Variants in LLGL2 observed in about 807,000 individuals in gnomAD.
LLGL2 encodes the protein LLGL scribble cell polarity complex component 2, also known as LLGL2, scribble cell polarity complex component.
In LLGL2, 81 loss-of-function variants were observed where a neutral mutation model predicts 123.2. The ratio of observed to expected loss-of-function variants is 0.66; its 90% CI spans 0.55 to 0.79. The LOEUF is 0.79. Ranked by LOEUF, LLGL2 falls within the 30% of genes least tolerant of loss-of-function variation. LLGL2 has a pLI of 0.00. For synonymous variants in LLGL2, 577 were observed against 594.1 expected (o/e 0.97, Z 0.42); for missense variants, 1,273 against 1,414.6 (o/e 0.90, Z 1.61).
intron 2 of LLGL2, among the ~76,000 whole-genome samples, chr17:75,555,570 A>G (rs559630100): frequency 9.9e-5 from 15 of 152,268 alleles, no homozygotes; most frequent in Admixed American, 9.8e-4. Context: ...GACCTGGAAG[A>G]GCCCAGAGCA....
At position 75,526,491 on chromosome 17, in the gene LLGL2, G is replaced by C. The variant is rs531989692; in HGVS notation, c.-31+666G>C. 8.3e-4 allele frequency among the ~76,000 whole-genome samples: 127 copies of C among 152,344 alleles called. 2 individuals are homozygous for C. In the South Asian group the frequency reaches 0.018, roughly 21 times the overall value. On this transcript the variant is annotated intron_variant, in intron 1 of 25. Transcript: ENST00000392550. The stretch of plus-strand genomic sequence containing the variant: ...GGAAAATTCTATCTTGCCAAAGAAA[G>C]TGTGTCTTAGTTTGTTCCGGCTGGA...
In LLGL2 at chr17:75,573,590, TGGTAAC is replaced by T. The variant is rs778398192; in HGVS notation, c.2839_2844del (p.Asn947_Gly948del). 6.2e-7 allele frequency: 1 copy of T among 1,612,016 alleles called. No individual in the cohort carries two copies. Among genetic ancestry groups the T allele is most frequent in the African/African-American group, 1.3e-5 (1 of 74,978 alleles). ...CAGCAGAAACCAAGAACCACCGCCCTGGTAACGGTGCGGGCCCCAAGAAGGCCCCGA... is the reference window on the plus strand; with the variant it reads ...CAGCAGAAACCAAGAACCACCGCCCTGGTGCGGGCCCCAAGAAGGCCCCGA... On this transcript the variant is annotated inframe_deletion, in exon 21 of 26. Transcript: ENST00000392550.
In LLGL2 at chr17:75,558,232, G is replaced by T. The variant is rs768661779; in HGVS notation, c.251G>T (p.Gly84Val). ...GTGACGCAGATCCACCTCCTGCCCG[G>T]CCAGGTGAGGGACCTGGGGTGGGAC... is the stretch of plus-strand genomic sequence containing the variant. ...NAVTQIHLLP[G>V]QCQLVTLLDD... is the part of the protein sequence containing the mutation. Residue 84 changes from glycine (G) to valine (V), a missense_variant, in exon 4 of 26, where the codon GGC becomes GTC. Transcript: ENST00000392550. The surrounding 1 kb of genome is among the most constrained non-coding windows in gnomAD (Gnocchi z 4.0). 37 of 1,611,744 alleles carry T rather than the reference G, an allele frequency of 2.3e-5. No individual in the cohort carries two copies. Among genetic ancestry groups the T allele is most frequent in the African/African-American group, 4.0e-5 (3 of 74,904 alleles).
rs1422907240 is a variant in LLGL2, at chr17:75,558,438, G to A, written c.256-74G>A. ...CCAGGGGGTCTTTTAAACAACTGGG[G>A]CTGCGTGGCCCCAGTGTGTAAAGGC... On this transcript the variant is annotated intron_variant, in intron 4 of 25. Coordinates refer to ENST00000392550, the MANE Select transcript of LLGL2 (RefSeq NM_001031803.2). This position sits in a 1 kb window ranked among gnomAD's most constrained non-coding sequence, Gnocchi z 4.0. 4.5e-6 allele frequency: 6 copies of A among 1,327,162 alleles called. No homozygotes were observed. Among genetic ancestry groups the A allele is most frequent in the African/African-American group, 2.9e-5 (2 of 68,488 alleles). The allele number at this position is 1,327,162 out of a possible 1,614,324, so 82.2% of individuals were successfully genotyped here.
At chr17:75,573,347 T>C (rs970368213) in intron 20 of LLGL2, 69 bp downstream of exon 20, 2 of 1,552,472 alleles carry the variant, frequency 1.3e-6, no homozygotes, top group Non-Finnish European at 1.8e-6. Flanking sequence ...TGGCCAGGGG[T>C]GTTGTGGCCA....
intron 6 of LLGL2, among the ~76,000 whole-genome samples, chr17:75,561,483 T>C (rs1032997130): frequency 2.6e-5 from 4 of 151,802 alleles, no homozygotes; most frequent in African/African-American, 7.3e-5. Context: ...AAAAATTAGT[T>C]GGGCAAGGCG....
rs973570634 is a variant in LLGL2 at position 75,573,781 on chromosome 17, G to T, written c.2876+150G>T. On this transcript the variant is annotated intron_variant, in intron 21 of 25. Coordinates refer to ENST00000392550, the MANE Select transcript of LLGL2 (RefSeq NM_001031803.2). ...GCTCCGGCTCTCCTTGCCTCTTTGCGTGCCCCTTGCCCCTGTGCAAGCTGG... is the reference window on the plus strand; with the variant it reads ...GCTCCGGCTCTCCTTGCCTCTTTGCTTGCCCCTTGCCCCTGTGCAAGCTGG... 8 of 1,209,458 alleles carry T rather than the reference G, an allele frequency of 6.6e-6. No homozygotes were observed. The South Asian group carries it at 1.1e-4, about 17-fold the overall frequency. 74.9% of individuals were successfully genotyped at this position (1,209,458 alleles called of 1,614,324 possible).
intron 14 of LLGL2, 29 bp from the exon 15 acceptor site, chr17:75,569,934 C>T (rs1568071834): frequency 6.4e-7 from 1 of 1,554,300 alleles, no homozygotes; most frequent in African/African-American, 1.4e-5. Context: ...TTGCTGAGGG[C>T]TTGCTGAGCC....
chr17:75,558,511 G>C lies in LLGL2; in HGVS notation c.256-1G>C. ...ATGATCCCGTCGTGTGCCCTCGCCA[G>C]TGCCAGCTGGTCACCCTGCTGGATG... On this transcript the variant is annotated splice_acceptor_variant, in intron 4 of 25. Coordinates refer to ENST00000392550, the MANE Select transcript of LLGL2 (RefSeq NM_001031803.2). LOFTEE classifies it high-confidence loss of function. This position sits in a 1 kb window ranked among gnomAD's most constrained non-coding sequence, Gnocchi z 4.0. 1 of 1,585,490 alleles carries C rather than the reference G, an allele frequency of 6.3e-7. No homozygotes were observed. The highest frequency in any genetic ancestry group is 8.6e-7 in the Non-Finnish European group (1 of 1,166,566).
intron 6 of LLGL2, among the ~76,000 whole-genome samples, chr17:75,560,802 T>TAAAAAAAAAA (rs372940306): frequency 1.2e-4 from 12 of 96,122 alleles, no homozygotes; most frequent in Non-Finnish European, 1.9e-4. Flanking sequence ...GTTTATTTAT[T>TAAAAAAAAAA]AAAAAAAAAA....
In LLGL2 at chr17:75,559,534, A is replaced by T. The variant is rs556198703; in HGVS notation, c.530+124A>T. 43 of 1,264,268 alleles carry T rather than the reference A, an allele frequency of 3.4e-5. No individual in the cohort carries two copies. The highest frequency in any genetic ancestry group is 4.5e-5 in the Non-Finnish European group (42 of 933,092). The allele number at this position is 1,264,268 out of a possible 1,614,324, so 78.3% of individuals were successfully genotyped here. On this transcript the variant is annotated intron_variant, in intron 6 of 25. Coordinates refer to ENST00000392550, the MANE Select transcript of LLGL2 (RefSeq NM_001031803.2). The surrounding 1 kb of genome is among the most constrained non-coding windows in gnomAD (Gnocchi z 4.6). ...GCTGGGAATTCCATGGGGCTATAGC[A>T]GGGGAGGCTCTTGGCTTCCTACCTG... is the stretch of plus-strand genomic sequence containing the variant.
intron 14 of LLGL2, among the ~76,000 whole-genome samples, chr17:75,569,657 G>C (rs891068899): frequency 6.6e-6 from 1 of 152,106 alleles, no homozygotes; most frequent in Admixed American, 6.5e-5. Context: ...ATAAAAATTA[G>C]CCAGGCATTT....
At chr17:75,574,063 G>A (rs1335050666) in intron 22 of LLGL2, 83 bp downstream of exon 22, 2 of 1,550,262 alleles carry the variant, frequency 1.3e-6, no homozygotes, top group Non-Finnish European at 1.7e-6. Context: ...AGGGTCCCGA[G>A]TGAGCAGGTA....
upstream of LLGL2, chr17:75,525,203 G>A (rs1403981157): frequency 1.3e-4 from 18 of 141,604 alleles, no homozygotes; most frequent in African/African-American, 4.4e-4. The surrounding 1 kb of genome is among the most constrained non-coding windows in gnomAD (Gnocchi z 4.8). Context: ...CCCCCCCCGA[G>A]GAAAGGCGTC....
chr17:75,555,776 TCAGTTCCTGGAAAG>T (rs2054882829), intron 2 of LLGL2, among the ~76,000 whole-genome samples: 1 of 152,000 alleles, frequency 6.6e-6, no homozygotes, highest in African/African-American at 2.4e-5. Flanking sequence ...AGGCACCGAG[TCAGTTCCTGGAAAG>T]CATTGAGAGG....
At chr17:75,555,354 T>C (rs1324588129) in intron 2 of LLGL2, among the ~76,000 whole-genome samples, 1 of 151,328 alleles carries the variant, frequency 6.6e-6, no homozygotes, top group Non-Finnish European at 1.5e-5. Context: ...CCTGCCGGGT[T>C]CGCACCATTC....
chr17:75,533,638 C>G (rs961231665), intron 1 of LLGL2: 1 of 152,038 alleles, frequency 6.6e-6, no homozygotes, highest in Admixed American at 6.6e-5. Context: ...TTGTGTGGTT[C>G]TAGATGTTGG....
At chr17:75,569,372 G>T in intron 14 of LLGL2, 47 bp downstream of exon 14, 1 of 1,479,856 alleles carries the variant, frequency 6.8e-7, no homozygotes. Context: ...AGTGGTCGAT[G>T]ACTGGGGACA....
rs1305255598 is a variant in LLGL2, at chr17:75,571,986, A to G, written c.2382A>G (p.Glu794=). The change falls in exon 19 of 26, where the codon GAA becomes GAG. Residue 794 remains glutamate (E), a synonymous_variant. Transcript: ENST00000392550. Reference sequence around the variant, plus strand: ...GCGTACCCCTTCCCGAGCCCCTCGAAGTGGCCCATGATCTGTCGAAGAGCC... The same window carrying G: ...GCGTACCCCTTCCCGAGCCCCTCGAGGTGGCCCATGATCTGTCGAAGAGCC... The part of the protein sequence containing the change: ...GHSVPLPEPL[E]VAHDLSKSPD... 1.9e-6 allele frequency: 3 copies of G among 1,612,920 alleles called. No homozygotes were observed. Among genetic ancestry groups the G allele is most frequent in the South Asian group, 1.1e-5 (1 of 91,070 alleles).
Sources: gnomAD v4.1 joint callset for allele counts (sites outside exome capture counted in the v4.1 genomes callset) on GRCh38, gnomAD v4.1.1 for gene constraint, Gnocchi (gnomAD v3.1) non-coding constraint, MANE v1.5 for transcripts, NCBI Gene and HGNC (gene_info 2026-07-23, HGNC 2026-07-21) for gene names.